UGT8: variants seen among roughly 807,000 people sequenced by gnomAD.
UGT8 encodes 2-hydroxyacylsphingosine 1-beta-galactosyltransferase.
A neutral mutation model predicts 40.5 loss-of-function variants in UGT8; 12 were observed. The ratio of observed to expected loss-of-function variants is 0.30; its 90% CI spans 0.19 to 0.48. The LOEUF (loss-of-function observed/expected upper bound fraction) is 0.48. Among genes scored for constraint, UGT8 ranks in the 20% least tolerant of loss-of-function variants. UGT8 has a pLI of 0.99. For synonymous variants in UGT8, 224 were observed against 240.4 expected (o/e 0.93, Z 0.63); for missense variants, 513 against 648.7 (o/e 0.79, Z 2.27).
chr4:114,623,778 T>C (rs1424918962), intron 2 of UGT8, 76 bp downstream of exon 2: 1 of 1,465,718 alleles, frequency 6.8e-7, no homozygotes, highest in Non-Finnish European at 9.0e-7. Flanking sequence ...AGATATGATT[T>C]GTTATTTATA....
At chr4:114,675,040 C>T (rs932556665) in intron 5 of UGT8, among the ~76,000 whole-genome samples, 9 of 152,328 alleles carry the variant, frequency 5.9e-5, no homozygotes, top group Non-Finnish European at 7.3e-5. Context: ...TACATGCATA[C>T]ATTACCTATA....
intron 2 of UGT8, among the ~76,000 whole-genome samples, chr4:114,651,024 G>T (rs745653734): frequency 1.1e-4 from 17 of 151,472 alleles, no homozygotes; most frequent in Non-Finnish European, 2.4e-4. Context: ...TTACTTGATT[G>T]ATCCTGGAAA....
intron 1 of UGT8, chr4:114,619,582 T>A (rs1731652264): frequency 6.6e-6 from 1 of 152,114 alleles, no homozygotes; most frequent in Non-Finnish European, 1.5e-5. Flanking sequence ...TGCTACATGA[T>A]GTTTATAATG....
chr4:114,639,320 A>G (rs1042500199), intron 2 of UGT8, among the ~76,000 whole-genome samples: 2 of 152,218 alleles, frequency 1.3e-5, no homozygotes, highest in Non-Finnish European at 2.9e-5. Flanking sequence ...AGAACCTGCC[A>G]CTACAAGCCT....
chr4:114,601,832 T>TG (rs796253053), intron 1 of UGT8, among the ~76,000 whole-genome samples: 4 of 150,954 alleles, frequency 2.6e-5, no homozygotes, highest in South Asian at 2.1e-4. Flanking sequence ...TTTTTATGTT[T>TG]TTTTTTTTTT....
intron 2 of UGT8, among the ~76,000 whole-genome samples, chr4:114,634,151 C>T (rs565680935): frequency 1.3e-5 from 2 of 152,094 alleles, no homozygotes; most frequent in African/African-American, 4.8e-5. Context: ...TTCTAAAAAA[C>T]CCAGTTTTCT....
intron 3 of UGT8, among the ~76,000 whole-genome samples, chr4:114,664,533 C>T (rs779550600): frequency 5.3e-5 from 8 of 152,172 alleles, no homozygotes; most frequent in South Asian, 2.1e-4. Context: ...GATGGATTAA[C>T]GAATACCTAA....
At chr4:114,666,162 A>G (rs1322427151) in intron 4 of UGT8, among the ~76,000 whole-genome samples, 2 of 152,190 alleles carry the variant, frequency 1.3e-5, no homozygotes, top group Admixed American at 6.5e-5. Flanking sequence ...AGATGGTCTG[A>G]GAACCAAGAG....
chr4:114,662,331 A>G (rs1578462260), intron 2 of UGT8, among the ~76,000 whole-genome samples: 1 of 152,208 alleles, frequency 6.6e-6, no homozygotes, highest in East Asian at 1.9e-4. Flanking sequence ...ATTACATTGC[A>G]GAGTAAGAGC....
At chr4:114,600,655 T>C (rs770343985) in intron 1 of UGT8, among the ~76,000 whole-genome samples, 1 of 152,194 alleles carries the variant, frequency 6.6e-6, no homozygotes, top group Non-Finnish European at 1.5e-5. Context: ...TAACCAATAT[T>C]TTAATAGTGT....
intron 2 of UGT8, among the ~76,000 whole-genome samples, chr4:114,631,167 A>G (rs1371967015): frequency 6.6e-6 from 1 of 152,168 alleles, no homozygotes; most frequent in African/African-American, 2.4e-5. Flanking sequence ...GTGCAAAAGT[A>G]ATTGTGGTTT....
At chr4:114,603,049 GA>G in intron 1 of UGT8, among the ~76,000 whole-genome samples, 1 of 151,990 alleles carries the variant, frequency 6.6e-6, no homozygotes, top group East Asian at 1.9e-4. Context: ...GCAGTGGGAT[GA>G]AAAAAAGGGG....
At chr4:114,606,684 G>A (rs1021120169) in intron 1 of UGT8, among the ~76,000 whole-genome samples, 3 of 152,144 alleles carry the variant, frequency 2.0e-5, no homozygotes, top group Non-Finnish European at 4.4e-5. Context: ...TATCTTAATG[G>A]AGATAAAGTA....
chr4:114,638,165 T>C (rs945264120), intron 2 of UGT8, among the ~76,000 whole-genome samples: 2 of 152,184 alleles, frequency 1.3e-5, no homozygotes, highest in Admixed American at 6.5e-5. Flanking sequence ...GTAAATCATG[T>C]ATTCATTTAA....
chr4:114,663,790 A>G, intron 2 of UGT8: 1 of 985,330 alleles, frequency 1.0e-6, no homozygotes, highest in Non-Finnish European at 1.2e-6. Context: ...CTTACCAAAT[A>G]AACCACATGT....
intron 5 of UGT8, among the ~76,000 whole-genome samples, chr4:114,670,769 CT>C (rs1735215035): frequency 6.6e-6 from 1 of 152,184 alleles, no homozygotes; most frequent in Non-Finnish European, 1.5e-5. Context: ...CAAGGATGCC[CT>C]CTCTCACCAC....
At chr4:114,665,435 G>A (rs1024847813) in intron 3 of UGT8, 2 of 985,134 alleles carry the variant, frequency 2.0e-6, no homozygotes, top group Non-Finnish European at 1.2e-6. Flanking sequence ...ATAGGCGTGA[G>A]GAACCAATGG....
chr4:114,619,167 G>T (rs1327297372), intron 1 of UGT8, among the ~76,000 whole-genome samples: 1 of 151,986 alleles, frequency 6.6e-6, no homozygotes, highest in Non-Finnish European at 1.5e-5. Flanking sequence ...GTGGGATTTG[G>T]AAGAAATGTA....
chr4:114,648,447 G>C (rs531152608), intron 2 of UGT8, among the ~76,000 whole-genome samples: 173 of 145,322 alleles, frequency 1.2e-3, no homozygotes, highest in Non-Finnish European at 1.9e-3. Flanking sequence ...TATTGTAATA[G>C]TTTTGGGAAA....
Sources: allele counts gnomAD v4.1 joint callset (sites outside exome capture counted in the v4.1 genomes callset), GRCh38; gene constraint gnomAD v4.1.1; transcripts MANE v1.5; gene names NCBI Gene and HGNC (gene_info 2026-07-23, HGNC 2026-07-21).